The following CEP192 variants were observed in gnomAD, a reference collection of about 807,000 sequenced individuals.
The protein encoded by CEP192 is centrosomal protein of 192 kDa.
Under a neutral mutation model 271.8 loss-of-function variants are expected in CEP192, and 151 were observed. The observed-to-expected ratio is 0.56, with a 90% CI of 0.49 to 0.64. The LOEUF is 0.64. CEP192 is among the 30% of genes least tolerant of loss of function. The probability of loss-of-function intolerance (pLI) is 0.00; values close to 1 mark genes in which losing one functional copy is unlikely to be tolerated. For synonymous variants in CEP192, 995 were observed against 1,076.5 expected, an observed-to-expected ratio of 0.92 and a Z score of 1.48; for missense variants, 2,910 against 3,020.5, an observed-to-expected ratio of 0.96 and a Z score of 0.86.
At chr18:13,040,720 A>G (rs947371867) in intron 13 of CEP192, 110 bp from the exon 14 acceptor site, 3 of 802,012 alleles carry the variant, frequency 3.7e-6, no homozygotes, top group South Asian at 4.5e-5. Flanking sequence ...AGTGGGAAGA[A>G]CAGTTTTTTG....
At chr18:13,072,887 G>A in intron 29 of CEP192, 42 bp downstream of exon 29, 1 of 1,552,690 alleles carries the variant, frequency 6.4e-7, no homozygotes, top group East Asian at 2.2e-5. Flanking sequence ...TTCTGTCTGG[G>A]TCTGGAACAC....
chr18:13,047,492 C>T (rs1200363492), intron 15 of CEP192, among the ~76,000 whole-genome samples: 1 of 152,206 alleles, frequency 6.6e-6, no homozygotes, highest in Admixed American at 6.5e-5. Flanking sequence ...GCTTAGGGAA[C>T]AGCATCCCCA....
intron 36 of CEP192, among the ~76,000 whole-genome samples, chr18:13,099,136 T>C (rs2039578292): frequency 7.6e-6 from 1 of 132,002 alleles, no homozygotes. Flanking sequence ...AGCAGTACAG[T>C]CCAGCTTCGG....
chr18:13,050,927 TTGAAGATCATCTGGCTG>T (rs1274258957), intron 17 of CEP192, among the ~76,000 whole-genome samples: 7 of 152,328 alleles, frequency 4.6e-5, no homozygotes, highest in Non-Finnish European at 1.0e-4. Flanking sequence ...CAAAGCAAAT[TTGAAGATCATCTGGCTG>T]TGACATGGTG....
At chr18:13,101,654 C>A (rs1353100161) in intron 38 of CEP192, among the ~76,000 whole-genome samples, 1 of 152,090 alleles carries the variant, frequency 6.6e-6, no homozygotes, top group East Asian at 1.9e-4. Flanking sequence ...TTTTGTCTAT[C>A]CCCAGCCTCA....
At chr18:13,005,844 T>A (rs1184082165) in intron 3 of CEP192, among the ~76,000 whole-genome samples, 1 of 152,230 alleles carries the variant, frequency 6.6e-6, no homozygotes, top group Non-Finnish European at 1.5e-5. Context: ...AAATTAATAC[T>A]TTAGCTGAGT....
chr18:13,096,672 G>C (rs1305394214), intron 36 of CEP192, among the ~76,000 whole-genome samples: 1 of 152,186 alleles, frequency 6.6e-6, no homozygotes. Flanking sequence ...GATGTGTCCC[G>C]AGCCCAAACA....
intron 31 of CEP192, 39 bp downstream of exon 31, chr18:13,087,316 T>C: frequency 6.6e-7 from 1 of 1,510,640 alleles, no homozygotes; most frequent in Middle Eastern, 1.9e-4. Flanking sequence ...CATCAACTCA[T>C]TTTAAAATTG....
In CEP192 at chr18:13,099,488, A is replaced by G; in HGVS notation, c.6570A>G (p.Gln2190=). ...ATTTTTTTTAAAGGAGTAAACTACA[A>G]ATTCTTGTGAGTCCTAATTCCTCCT... ...HGCVAPESKL[Q]ILVSPNSSLS... Residue 2190 remains glutamine (Q), a synonymous_variant, in exon 37 of 45, where the codon CAA becomes CAG. Coordinates refer to ENST00000506447, the MANE Select transcript of CEP192 (RefSeq NM_032142.4). 1 of 1,571,326 alleles carries G rather than the reference A, an allele frequency of 6.4e-7. No homozygotes were observed. Among genetic ancestry groups the G allele is most frequent in the Non-Finnish European group, 8.6e-7 (1 of 1,156,100 alleles).
chr18:13,052,307 A>G lies in CEP192; in HGVS notation c.3018-612A>G, dbSNP rs1038964673. Among the ~76,000 whole-genome samples the G allele has an allele frequency of 2.6e-5, 4 of 152,158 alleles. No homozygotes were observed. In the East Asian group the frequency reaches 5.8e-4, roughly 22 times the overall value. On this transcript the variant is annotated intron_variant, in intron 17 of 44. Coordinates refer to ENST00000506447, the MANE Select transcript of CEP192 (RefSeq NM_032142.4). ...GAATGGCTGCATAGTGTTGTATTGC[A>G]TGTTTGTGCTCTAATTTCTGTAGCT...
intron 33 of CEP192, among the ~76,000 whole-genome samples, chr18:13,091,315 C>T (rs1320781059): frequency 1.3e-5 from 2 of 152,182 alleles, no homozygotes; most frequent in African/African-American, 2.4e-5. Flanking sequence ...GATTGCCCAT[C>T]TAAGGTGGGG....
chr18:13,000,091 C>CTTTTTTTTTTTTTTTT (rs775544715), intron 2 of CEP192, among the ~76,000 whole-genome samples: 1 of 76,748 alleles, frequency 1.3e-5, no homozygotes, highest in Non-Finnish European at 2.7e-5. Context: ...TGTCTTCTCT[C>CTTTTTTTTTTTTTTTT]TTTTTTTTTT....
intron 6 of CEP192, among the ~76,000 whole-genome samples, chr18:13,016,838 C>T (rs956129691): frequency 1.1e-4 from 17 of 152,096 alleles, no homozygotes; most frequent in African/African-American, 3.9e-4. Flanking sequence ...GTGATAGGCT[C>T]ATCTATACTT....
chr18:13,023,355 A>C (rs1022951952), intron 9 of CEP192, among the ~76,000 whole-genome samples: 1 of 152,084 alleles, frequency 6.6e-6, no homozygotes, highest in Non-Finnish European at 1.5e-5. Context: ...CTAGCTTCTT[A>C]CTATTAAGTA....
At chr18:13,117,498 C>T (rs1167649664) in intron 43 of CEP192, 87 bp from the exon 44 acceptor site, 2 of 920,558 alleles carry the variant, frequency 2.2e-6, no homozygotes, top group Non-Finnish European at 1.7e-6. Flanking sequence ...CAAAATGTAT[C>T]TGTAATAAAT....
chr18:13,012,064 A>T (rs1312033483), intron 4 of CEP192, among the ~76,000 whole-genome samples: 2 of 152,238 alleles, frequency 1.3e-5, no homozygotes, highest in Non-Finnish European at 2.9e-5. Flanking sequence ...CACAAAATGT[A>T]TGGTTCTGTT....
intron 12 of CEP192, 123 bp from the exon 13 acceptor site, chr18:13,038,247 T>TG: frequency 1.3e-6 from 1 of 742,974 alleles, no homozygotes; most frequent in South Asian, 1.9e-5. Flanking sequence ...ATTTTTTTTT[T>TG]GTCTAGTTTT....
rs2039682308 is a variant in CEP192, at chr18:13,101,097, C to T, written c.6871+585C>T. Reference sequence around the variant, plus strand: ...TTTTGACCTTGCCCTGGGTAGCGAGCGACACAGGGTGCTGCACCCTCTTGT... The same window carrying T: ...TTTTGACCTTGCCCTGGGTAGCGAGTGACACAGGGTGCTGCACCCTCTTGT... On this transcript the variant is annotated intron_variant, in intron 38 of 44. Transcript: ENST00000506447. Among the ~76,000 whole-genome samples the T allele has an allele frequency of 2.6e-5, 4 of 152,160 alleles. No individual in the cohort carries two copies. In the South Asian group the frequency reaches 6.2e-4, roughly 24 times the overall value.
Position 13,124,627 on chromosome 18 carries a change from TC to T in CEP192, c.7476-3del. On this transcript the variant is annotated splice_region_variant and splice_polypyrimidine_tract_variant and intron_variant, in intron 44 of 44. Coordinates refer to ENST00000506447, the MANE Select transcript of CEP192 (RefSeq NM_032142.4). ...TGCTGCTGTCATGTGCCTCTCTCTT[TC>T]CAGAGCCCAGCATTACATCAACATG... The T allele has an allele frequency of 1.2e-6, 2 of 1,609,438 alleles. No individual in the cohort carries two copies. The highest frequency in any genetic ancestry group is 1.7e-6 in the Non-Finnish European group (2 of 1,176,378).
Sources: allele counts gnomAD v4.1 joint callset (sites outside exome capture counted in the v4.1 genomes callset), GRCh38; gene constraint gnomAD v4.1.1; transcripts MANE v1.5; gene names NCBI Gene and HGNC (gene_info 2026-07-23, HGNC 2026-07-21).